Variants in IL27RA observed in about 807,000 individuals in gnomAD.
IL27RA encodes interleukin-27 receptor subunit alpha.
Under a neutral mutation model 80.8 loss-of-function variants are expected in IL27RA, and 61 were observed. The observed-to-expected ratio is 0.76, with a 90% CI of 0.61 to 0.93. The LOEUF (loss-of-function observed/expected upper bound fraction) is 0.93. Ranked by LOEUF, IL27RA falls within the 40% of genes least tolerant of loss-of-function variation. The pLI is 0.00. For missense variants in IL27RA, 735 were observed against 808.1 expected, an observed-to-expected ratio of 0.91 and a Z score of 1.10; for synonymous variants, 316 against 332.5, an observed-to-expected ratio of 0.95 and a Z score of 0.54.
At chr19:14,043,664 T>G (rs1976022740) in intron 6 of IL27RA, among the ~76,000 whole-genome samples, 1 of 151,094 alleles carries the variant, frequency 6.6e-6, no homozygotes, top group Non-Finnish European at 1.5e-5. Context: ...GACCTCATGA[T>G]CCAGCCACCT....
At chr19:14,051,820 C>A (rs1976170262) in intron 12 of IL27RA, 60 bp from the exon 13 acceptor site, 1 of 1,468,760 alleles carries the variant, frequency 6.8e-7, no homozygotes, top group Non-Finnish European at 9.4e-7. Context: ...GAACCCTGCA[C>A]CCTGGGCTGG....
rs2306190 is a variant in IL27RA at position 14,051,864 on chromosome 19, A to C, written c.1623-16A>C. 720,675 of 1,564,436 alleles carry C rather than the reference A, an allele frequency of 0.46. 173,209 individuals are homozygous for C. The highest frequency in any genetic ancestry group is 0.77 in the African/African-American group (56,683 of 73,938). ...GCCATCTGGATCTGCTGCCCTGACT[A>C]CTCCTGTCTTGCCAGGTGCTACCAC... On this transcript the variant is annotated splice_polypyrimidine_tract_variant and intron_variant, in intron 12 of 13. Transcript: ENST00000263379.
intron 2 of IL27RA, among the ~76,000 whole-genome samples, chr19:14,035,217 G>A (rs951445832): frequency 2.6e-5 from 4 of 151,958 alleles, no homozygotes; most frequent in African/African-American, 9.7e-5. Context: ...GACTGCTTTC[G>A]AACTACTGGC....
chr19:14,035,690 TGGC>T (rs1309769903), intron 2 of IL27RA, among the ~76,000 whole-genome samples: 2 of 151,730 alleles, frequency 1.3e-5, no homozygotes, highest in African/African-American at 4.8e-5. Flanking sequence ...CCACTGAGCC[TGGC>T]GGGGGGCCTA....
At chr19:14,050,321 G>T (rs545311820) in intron 10 of IL27RA, among the ~76,000 whole-genome samples, 35 of 152,014 alleles carry the variant, frequency 2.3e-4, no homozygotes, top group Non-Finnish European at 5.9e-5. Flanking sequence ...GACCAATATG[G>T]TGAAACCCAG....
At chr19:14,047,174 G>T (rs1369512069) in intron 8 of IL27RA, among the ~76,000 whole-genome samples, 2 of 148,976 alleles carry the variant, frequency 1.3e-5, no homozygotes, top group Admixed American at 6.7e-5. Context: ...TTCCCGAGTA[G>T]CTGGGACTAT....
chr19:14,035,260 G>A (rs1568498699), intron 2 of IL27RA, among the ~76,000 whole-genome samples: 1 of 152,114 alleles, frequency 6.6e-6, no homozygotes, highest in Non-Finnish European at 1.5e-5. Flanking sequence ...TCCTCCCAAA[G>A]TGCTGGGACT....
Position 14,052,481 on chromosome 19 carries a change from A to G in IL27RA, c.*191A>G, listed in dbSNP as rs1976191431. 2.2e-6 allele frequency: 1 copy of G among 456,964 alleles called. No individual in the cohort carries two copies. The highest frequency in any genetic ancestry group is 3.9e-5 in the Admixed American group (1 of 25,890). 28.3% of individuals were successfully genotyped at this position (456,964 alleles called of 1,614,324 possible). A position where few individuals can be genotyped will look rare whatever the true frequency, so the allele number is the denominator to read the frequency against. On this transcript the variant is annotated 3_prime_UTR_variant, in exon 14 of 14. Coordinates refer to ENST00000263379, the MANE Select transcript of IL27RA (RefSeq NM_004843.4). ...CCCTATAGAGAAGGGCTTGGCCCCC[A>G]TGGGGAAGACACGGATGGAAGGTGG...
chr19:14,041,381 T>A (rs997587396), intron 4 of IL27RA, among the ~76,000 whole-genome samples: 10 of 149,588 alleles, frequency 6.7e-5, no homozygotes, highest in African/African-American at 1.7e-4. Context: ...GTATTTTTTT[T>A]AATAGAGATG....
At chr19:14,040,758 A>T (rs1975977357) in intron 4 of IL27RA, among the ~76,000 whole-genome samples, 1 of 151,110 alleles carries the variant, frequency 6.6e-6, no homozygotes, top group Non-Finnish European at 1.5e-5. Context: ...CAGGAGGTGG[A>T]GGTTGCAGTG....
At chr19:14,032,550 G>GAGCGGCCAC in intron 2 of IL27RA, 47 bp downstream of exon 2, 1 of 1,258,668 alleles carries the variant, frequency 7.9e-7, no homozygotes, top group Non-Finnish European at 1.2e-6. Flanking sequence ...GGAGGTGGCC[G>GAGCGGCCAC]CTCAGGCCCC....
At position 14,051,904 on chromosome 19, in the gene IL27RA, G is replaced by A. The variant is rs755402883; in HGVS notation, c.1647G>A (p.Val549=). Residue 549 remains valine, a synonymous_variant, in exon 13 of 14, where the codon GTG becomes GTA. Transcript: ENST00000263379. ...GGTGCTACCACCTAAGGCACAAAGT[G>A]CTGCCCCGCTGGGTCTGGGAGAAAG... ...SGRCYHLRHK[V]LPRWVWEKVP... 1 of 1,583,576 alleles carries A rather than the reference G, an allele frequency of 6.3e-7. No individual in the cohort carries two copies. Among genetic ancestry groups the A allele is most frequent in the South Asian group, 1.1e-5 (1 of 87,396 alleles).
chr19:14,036,896 CG>C (rs1568499452), intron 2 of IL27RA, among the ~76,000 whole-genome samples: 2 of 151,306 alleles, frequency 1.3e-5, no homozygotes, highest in African/African-American at 4.9e-5. Context: ...AGTGCAATGG[CG>C]TGATCTCAGC....
intron 10 of IL27RA, among the ~76,000 whole-genome samples, chr19:14,050,142 A>T (rs1023712544): frequency 1.5e-4 from 23 of 152,064 alleles, no homozygotes; most frequent in African/African-American, 5.1e-4. Flanking sequence ...GTGAGCCAAG[A>T]TCATGCAAAG....
At chr19:14,044,773 G>A (rs1486240326) in intron 6 of IL27RA, among the ~76,000 whole-genome samples, 2 of 151,284 alleles carry the variant, frequency 1.3e-5, no homozygotes, top group African/African-American at 4.9e-5. Context: ...ACCACTTGAG[G>A]CCAGGAGTTC....
chr19:14,041,059 A>G (rs570132596), intron 4 of IL27RA, among the ~76,000 whole-genome samples: 1 of 151,940 alleles, frequency 6.6e-6, no homozygotes, highest in Admixed American at 6.6e-5. Flanking sequence ...ATGTGCCATC[A>G]TGCCCGGCTC....
chr19:14,043,732 G>T (rs926469071), intron 6 of IL27RA, among the ~76,000 whole-genome samples: 1 of 151,658 alleles, frequency 6.6e-6, no homozygotes, highest in Non-Finnish European at 1.5e-5. Context: ...CCTGTGCTAA[G>T]AGTTTAAATG....
intron 2 of IL27RA, among the ~76,000 whole-genome samples, chr19:14,034,074 C>T (rs1359613062): frequency 1.3e-5 from 2 of 152,190 alleles, no homozygotes; most frequent in Admixed American, 1.3e-4. Flanking sequence ...AAAGTTGCTT[C>T]ATAATGTGAA....
chr19:14,052,241 C>T lies in IL27RA; in HGVS notation c.1862C>T (p.Pro621Leu), dbSNP rs758675132. 119 of 1,571,308 alleles carry T rather than the reference C, an allele frequency of 7.6e-5. No individual in the cohort carries two copies. Among genetic ancestry groups the T allele is most frequent in the Non-Finnish European group, 9.6e-5 (111 of 1,160,600 alleles). Residue 621 changes from proline to leucine, a missense_variant, in exon 14 of 14, where the codon CCT (proline) becomes CTT (leucine). Coordinates refer to ENST00000263379, the MANE Select transcript of IL27RA (RefSeq NM_004843.4). ...SGYEKHFLPT[P>L]EELGLLGPPR... ...TATGAGAAGCACTTCCTGCCCACAC[C>T]TGAGGAGCTGGGCCTTCTGGGGCCC... is the stretch of plus-strand genomic sequence containing the variant.
Sources: gnomAD v4.1 joint callset for allele counts (sites outside exome capture counted in the v4.1 genomes callset) on GRCh38, gnomAD v4.1.1 for gene constraint, MANE v1.5 for transcripts, NCBI Gene and HGNC (gene_info 2026-07-23, HGNC 2026-07-21) for gene names.